PEX26: variants seen among roughly 807,000 people sequenced by gnomAD.
PEX26 encodes the protein peroxisome assembly protein 26.
PEX26 carries 18 observed loss-of-function variants against 31.4 expected under a neutral mutation model. The ratio of observed to expected loss-of-function variants is 0.57; its 90% CI spans 0.40 to 0.85. PEX26 has a LOEUF of 0.85. PEX26 is among the 40% of genes least tolerant of loss of function. PEX26 has a pLI of 0.00. For missense variants in PEX26, 377 were observed against 383.9 expected (o/e 0.98, Z 0.15); for synonymous variants, 176 against 166.9 (o/e 1.05, Z -0.42).
intron 2 of PEX26, among the ~76,000 whole-genome samples, chr22:18,081,861 TC>T (rs1415308878): frequency 6.6e-6 from 1 of 152,210 alleles, no homozygotes; most frequent in African/African-American, 2.4e-5. Flanking sequence ...TTTCTCCACA[TC>T]CTCACCCGCA....
rs1471979681 is a variant in PEX26, at chr22:18,090,218, TAAC to T, written c.*2144_*2146del. On this transcript the variant is annotated 3_prime_UTR_variant, in exon 5 of 5. Transcript: ENST00000399744. ...CTTAAAATGAAAATCTGGGCCCACT[TAAC>T]TACCCTAGATAAAACGCTTCAATGG... 6.6e-6 allele frequency: 1 copy of T among 152,218 alleles called. No individual in the cohort carries two copies. The highest frequency in any genetic ancestry group is 1.5e-5 in the Non-Finnish European group (1 of 68,036). 9.4% of individuals were successfully genotyped at this position (152,218 alleles called of 1,614,324 possible).
chr22:18,092,623 GC>G lies in PEX26; in HGVS notation c.*4549del, dbSNP rs1441739372. 25 of 151,612 alleles carry G rather than the reference GC, an allele frequency of 1.6e-4. No individual in the cohort carries two copies. Among genetic ancestry groups the G allele is most frequent in the Non-Finnish European group, 7.4e-5 (5 of 67,942 alleles). The allele number at this position is 151,612 out of a possible 1,614,324, so 9.4% of individuals were successfully genotyped here. A position where few individuals can be genotyped will look rare whatever the true frequency, so the allele number is the denominator to read the frequency against. ...TATTAATACGGTTGATTTTCTTTCA[GC>G]TTTTTTCCCCCTAATTAATTAACTA... On this transcript the variant is annotated 3_prime_UTR_variant, in exon 5 of 5. Transcript: ENST00000399744.
intron 3 of PEX26, among the ~76,000 whole-genome samples, chr22:18,084,234 T>G (rs1002599792): frequency 7.4e-5 from 7 of 94,534 alleles, no homozygotes; most frequent in Admixed American, 1.4e-4. Flanking sequence ...ACCATCTCTC[T>G]CTCTTTTTTT....
chr22:18,101,757 A>G lies in PEX26; in HGVS notation c.*13682A>G, dbSNP rs1223233769. On this transcript the variant is annotated 3_prime_UTR_variant, in exon 5 of 5. Transcript: ENST00000399744. Reference sequence around the variant, plus strand: ...CAATGGCCTCATCCTGCATGTGGGCAAGTCAGCTCTCTGATGGATGGTGCA... The same window carrying G: ...CAATGGCCTCATCCTGCATGTGGGCGAGTCAGCTCTCTGATGGATGGTGCA... 7 of 231,716 alleles carry G rather than the reference A, an allele frequency of 3.0e-5. No homozygotes were observed. The highest frequency in any genetic ancestry group is 5.6e-5 in the Admixed American group (1 of 17,818). 14.4% of individuals were successfully genotyped at this position (231,716 alleles called of 1,614,324 possible).
chr22:18,086,156 G>C (rs1342314290), intron 4 of PEX26, among the ~76,000 whole-genome samples: 1 of 152,016 alleles, frequency 6.6e-6, no homozygotes, highest in Non-Finnish European at 1.5e-5. Context: ...AAATTAGCCA[G>C]GTGTGGTGGT....
Position 18,083,565 on chromosome 22 carries a change from T to A in PEX26, c.500T>A (p.Val167Glu). The A allele has an allele frequency of 6.2e-7, 1 of 1,614,010 alleles. No homozygotes were observed. Among genetic ancestry groups the A allele is most frequent in the East Asian group, 2.2e-5 (1 of 44,888 alleles). ...GALAEFHVQRVLLPLGCLSEA... is the reference protein window; with the variant it reads ...GALAEFHVQRELLPLGCLSEA... ...TTGGCAGAATTTCACGTGCAGCGGG[T>A]GCTGCTGCCTCTGGGCTGCTTATCG... The change falls in exon 3 of 5, where the codon GTG becomes GAG. Residue 167 changes from valine (V) to glutamate (E), a missense_variant. By Grantham distance (121) the Val-to-Glu change is moderately radical. Coordinates refer to ENST00000399744, the MANE Select transcript of PEX26 (RefSeq NM_001127649.3).
chr22:18,078,234 C>T lies in PEX26; in HGVS notation c.-143C>T. 2.7e-6 allele frequency: 2 copies of T among 729,506 alleles called. No homozygotes were observed. The highest frequency in any genetic ancestry group is 3.0e-5 in the South Asian group (2 of 67,316). The allele number at this position is 729,506 out of a possible 1,614,324, so 45.2% of individuals were successfully genotyped here. On this transcript the variant is annotated 5_prime_UTR_variant, in exon 1 of 5. Coordinates refer to ENST00000399744, the MANE Select transcript of PEX26 (RefSeq NM_001127649.3). The stretch of plus-strand genomic sequence containing the variant: ...AGATAGGCCCCTTCCTTTTCCTTCT[C>T]GGGGAATCGACCTCGGGAAGGGGTG...
In PEX26 at chr22:18,094,705, C is replaced by G. The variant is rs758519331; in HGVS notation, c.*6630C>G. 1 of 152,080 alleles carries G rather than the reference C, an allele frequency of 6.6e-6. No homozygotes were observed. Among genetic ancestry groups the G allele is most frequent in the Non-Finnish European group, 1.5e-5 (1 of 68,030 alleles). 9.4% of individuals were successfully genotyped at this position (152,080 alleles called of 1,614,324 possible). A position where few individuals can be genotyped will look rare whatever the true frequency, so the allele number is the denominator to read the frequency against. On this transcript the variant is annotated 3_prime_UTR_variant, in exon 5 of 5. Transcript: ENST00000399744. ...TTTGGCTTCTTGCCTTGTCTCTGAC[C>G]CCACTGACTGCCCCTTTTCTGCCTC...
chr22:18,078,503 G>T lies in PEX26; in HGVS notation c.127G>T (p.Asp43Tyr). The change falls in exon 1 of 5, where the codon GAC (aspartate) becomes TAC (tyrosine). Residue 43 changes from aspartate (D) to tyrosine (Y), a missense_variant. Coordinates refer to ENST00000399744, the MANE Select transcript of PEX26 (RefSeq NM_001127649.3). Reference sequence around the variant, plus strand: ...CGTGGACCTTCTGGAGGAGGCGGCCGACCTCCTGGTGGTGCACCTGGACTT... The same window carrying T: ...CGTGGACCTTCTGGAGGAGGCGGCCTACCTCCTGGTGGTGCACCTGGACTT... ...PAVDLLEEAA[D>Y]LLVVHLDFRA... 1 of 1,570,514 alleles carries T rather than the reference G, an allele frequency of 6.4e-7. No homozygotes were observed. The highest frequency in any genetic ancestry group is 2.3e-5 in the East Asian group (1 of 42,718).
In PEX26 at chr22:18,083,699, G is replaced by C; in HGVS notation, c.634G>C (p.Gly212Arg). The C allele has an allele frequency of 6.2e-7, 1 of 1,614,060 alleles. No homozygotes were observed. The highest frequency in any genetic ancestry group is 8.5e-7 in the Non-Finnish European group (1 of 1,180,032). The change falls in exon 3 of 5, where the codon GGC (glycine) becomes CGC (arginine). Residue 212 changes from glycine to arginine, a missense_variant. Physicochemically the swap from Gly to Arg is moderately radical, Grantham distance 125. Transcript: ENST00000399744. ...ARQQQKQEHS[G>R]SEEAQKPNLE... ...GCAGCAGCAGAAACAGGAACACTCA[G>C]GCTCTGAGGAGGCCCAGAAGCCAAA...
chr22:18,079,996 C>T lies in PEX26; in HGVS notation c.353C>T (p.Pro118Leu), dbSNP rs61752135. Reference protein sequence around the residue: ...QYYQVPEKLPPKVLELCILLY... With the variant: ...QYYQVPEKLPLKVLELCILLY... ...TACCAGGTCCCTGAAAAGCTACCCC[C>T]CAAAGTCCTGGAGCTGTGGTAAGTC... Residue 118 changes from proline to leucine, a missense_variant, in exon 2 of 5, where the codon CCC (proline) becomes CTC (leucine). By Grantham distance (98) the Pro-to-Leu change is moderately conservative. Coordinates refer to ENST00000399744, the MANE Select transcript of PEX26 (RefSeq NM_001127649.3). 1.9e-6 allele frequency: 3 copies of T among 1,614,070 alleles called. No individual in the cohort carries two copies. The highest frequency in any genetic ancestry group is 2.5e-6 in the Non-Finnish European group (3 of 1,180,046).
Position 18,102,478 on chromosome 22 carries a change from G to C in PEX26, c.*14403G>C, listed in dbSNP as rs1213438894. The stretch of plus-strand genomic sequence containing the variant: ...GGATCTAGTGCCACAGCTTGTTCGG[G>C]GAAGCTGGCATAGAAGATGATTTGC... On this transcript the variant is annotated 3_prime_UTR_variant, in exon 5 of 5. Coordinates refer to ENST00000399744, the MANE Select transcript of PEX26 (RefSeq NM_001127649.3). 1 of 154,750 alleles carries C rather than the reference G, an allele frequency of 6.5e-6. No individual in the cohort carries two copies. Among genetic ancestry groups the C allele is most frequent in the Non-Finnish European group, 1.5e-5 (1 of 68,938 alleles). 9.6% of individuals were successfully genotyped at this position (154,750 alleles called of 1,614,324 possible).
chr22:18,084,237 C>CTTTTTTTTTTTT (rs362041), intron 3 of PEX26, among the ~76,000 whole-genome samples: 3 of 95,320 alleles, frequency 3.1e-5, no homozygotes, highest in Non-Finnish European at 2.1e-5. Flanking sequence ...ATCTCTCTCT[C>CTTTTTTTTTTTT]TTTTTTTTTT....
chr22:18,097,969 T>A lies in PEX26; in HGVS notation c.*9894T>A, dbSNP rs1158761812. ...GGCCCATGCCCGTAATCCCACCACT[T>A]TGGGTGGCCAAGGCAGGTGGATCAT... On this transcript the variant is annotated 3_prime_UTR_variant, in exon 5 of 5. Transcript: ENST00000399744. The A allele has an allele frequency of 6.6e-6, 1 of 152,244 alleles. No individual in the cohort carries two copies. Among genetic ancestry groups the A allele is most frequent in the Non-Finnish European group, 1.5e-5 (1 of 68,068 alleles). 9.4% of individuals were successfully genotyped at this position (152,244 alleles called of 1,614,324 possible).
In PEX26 at chr22:18,094,971, C is replaced by T. The variant is rs565472734; in HGVS notation, c.*6896C>T. The T allele has an allele frequency of 6.6e-6, 1 of 152,140 alleles. No homozygotes were observed. Among genetic ancestry groups the T allele is most frequent in the South Asian group, 2.1e-4 (1 of 4,820 alleles). 9.4% of individuals were successfully genotyped at this position (152,140 alleles called of 1,614,324 possible). On this transcript the variant is annotated 3_prime_UTR_variant, in exon 5 of 5. Coordinates refer to ENST00000399744, the MANE Select transcript of PEX26 (RefSeq NM_001127649.3). Reference sequence around the variant, plus strand: ...GCCCCACCGCTTTTAAATGGTAGAGCTGGGATTTGAATCTAGGCATACAGG... The same window carrying T: ...GCCCCACCGCTTTTAAATGGTAGAGTTGGGATTTGAATCTAGGCATACAGG...
rs1927405999 is a variant in PEX26, at chr22:18,100,018, T to C, written c.*11943T>C. ...CCAAAATTCAATCCCCTAATCCATGTTAGTAACCATGCAGTGTTCCTTCTT... is the reference window on the plus strand; with the variant it reads ...CCAAAATTCAATCCCCTAATCCATGCTAGTAACCATGCAGTGTTCCTTCTT... On this transcript the variant is annotated 3_prime_UTR_variant, in exon 5 of 5. Transcript: ENST00000399744. 6.6e-6 allele frequency: 1 copy of C among 152,220 alleles called. No homozygotes were observed. The highest frequency in any genetic ancestry group is 2.1e-4 in the South Asian group (1 of 4,824). The allele number at this position is 152,220 out of a possible 1,614,324, so 9.4% of individuals were successfully genotyped here. A position where few individuals can be genotyped will look rare whatever the true frequency, so the allele number is the denominator to read the frequency against.
chr22:18,083,781 G>C, intron 3 of PEX26, 49 bp downstream of exon 3: 1 of 1,566,842 alleles, frequency 6.4e-7, no homozygotes, highest in Non-Finnish European at 8.8e-7. Context: ...TTGCGGGCTT[G>C]CACTGTACCT....
chr22:18,093,502 G>C lies in PEX26; in HGVS notation c.*5427G>C, dbSNP rs1333658978. ...GGCGTGAACCCAGGAGGCGGAGCTT[G>C]CAGTGAGCCTAGATGGCGCCACTGC... On this transcript the variant is annotated 3_prime_UTR_variant, in exon 5 of 5. Transcript: ENST00000399744. 1 of 151,648 alleles carries C rather than the reference G, an allele frequency of 6.6e-6. No individual in the cohort carries two copies. Among genetic ancestry groups the C allele is most frequent in the Admixed American group, 6.6e-5 (1 of 15,230 alleles). 9.4% of individuals were successfully genotyped at this position (151,648 alleles called of 1,614,324 possible).
Position 18,083,709 on chromosome 22 carries a change from A to T in PEX26, c.644A>T (p.Glu215Val). 2 of 1,614,012 alleles carry T rather than the reference A, an allele frequency of 1.2e-6. No homozygotes were observed. Among genetic ancestry groups the T allele is most frequent in the Non-Finnish European group, 1.7e-6 (2 of 1,180,042 alleles). ...AAACAGGAACACTCAGGCTCTGAGG[A>T]GGCCCAGAAGCCAAACCTGGAAGGT... ...QQKQEHSGSE[E>V]AQKPNLEGSV... The change falls in exon 3 of 5, where the codon GAG becomes GTG. Residue 215 changes from glutamate (E) to valine (V), a missense_variant. Transcript: ENST00000399744.
Sources: gnomAD v4.1 joint callset for allele counts (sites outside exome capture counted in the v4.1 genomes callset) on GRCh38, gnomAD v4.1.1 for gene constraint, MANE v1.5 for transcripts, NCBI Gene and HGNC (gene_info 2026-07-23, HGNC 2026-07-21) for gene names.